Variants in XPNPEP3 observed in about 807,000 individuals in gnomAD.
XPNPEP3 encodes the protein xaa-Pro aminopeptidase 3.
Under a neutral mutation model 60.0 loss-of-function variants are expected in XPNPEP3, and 41 were observed. That is an observed-to-expected ratio of 0.68 (90% CI 0.53 to 0.89). XPNPEP3 has a LOEUF of 0.89. Among genes scored for constraint, XPNPEP3 ranks in the 40% least tolerant of loss-of-function variants. The pLI is 0.00. For missense variants in XPNPEP3, 598 were observed against 638.9 expected (o/e 0.94, Z 0.69); for synonymous variants, 212 against 223.2 (o/e 0.95, Z 0.45).
At chr22:40,867,701 C>T (rs1312676492) in intron 1 of XPNPEP3, among the ~76,000 whole-genome samples, 5 of 151,030 alleles carry the variant, frequency 3.3e-5, no homozygotes, top group East Asian at 3.9e-4. Context: ...GAGTGAGACT[C>T]TGTCTTAAAA....
chr22:40,905,272 G>A (rs2058150242), intron 4 of XPNPEP3, among the ~76,000 whole-genome samples: 1 of 151,662 alleles, frequency 6.6e-6, no homozygotes, highest in East Asian at 1.9e-4. Flanking sequence ...AGTAGAGACC[G>A]TGTTTCACTG....
intron 1 of XPNPEP3, among the ~76,000 whole-genome samples, chr22:40,867,165 C>T (rs1042636404): frequency 2.6e-5 from 4 of 152,076 alleles, no homozygotes; most frequent in Non-Finnish European, 5.9e-5. Flanking sequence ...TTAACTGTCA[C>T]GTGAGGTAGG....
chr22:40,873,190 C>T lies in XPNPEP3; in HGVS notation c.181+4075C>T, dbSNP rs574015384. ...GCGTGATCCGGCTCACTGCAACCTC[C>T]GCCTCCCAGATTCAAGCAATTCTCC... On this transcript the variant is annotated intron_variant, in intron 2 of 9. Coordinates refer to ENST00000357137, the MANE Select transcript of XPNPEP3 (RefSeq NM_022098.4). Among the ~76,000 whole-genome samples the T allele has an allele frequency of 3.6e-4, 53 of 149,170 alleles. No homozygotes were observed. In the South Asian group the frequency reaches 0.011, roughly 31 times the overall value.
At chr22:40,914,514 C>T (rs1187447058) in intron 7 of XPNPEP3, among the ~76,000 whole-genome samples, 190 bp downstream of exon 7, 1 of 149,024 alleles carries the variant, frequency 6.7e-6, no homozygotes, top group African/African-American at 2.5e-5. Context: ...ATAGAAACAC[C>T]TAGGTAACTA....
At chr22:40,860,777 A>G in intron 1 of XPNPEP3, 1 of 692,142 alleles carries the variant, frequency 1.4e-6, no homozygotes, top group Non-Finnish European at 2.3e-6. Flanking sequence ...CAGCTTCCCG[A>G]GTAGCTGGGA....
chr22:40,924,245 CTG>C, intron 8 of XPNPEP3, 115 bp from the exon 9 acceptor site: 1 of 1,453,288 alleles, frequency 6.9e-7, no homozygotes, highest in Non-Finnish European at 9.6e-7. Context: ...AGGGATTAAA[CTG>C]AAGTGGCAGA....
At chr22:40,894,226 C>T (rs1364310522) in intron 4 of XPNPEP3, among the ~76,000 whole-genome samples, 2 of 152,144 alleles carry the variant, frequency 1.3e-5, no homozygotes, top group South Asian at 2.1e-4. Context: ...AAGTTCTTTA[C>T]TCCAAGGGGT....
chr22:40,893,859 G>A (rs1460979788), intron 4 of XPNPEP3, among the ~76,000 whole-genome samples: 4 of 152,104 alleles, frequency 2.6e-5, no homozygotes, highest in Admixed American at 1.3e-4. Flanking sequence ...CAGGTGATCT[G>A]CCCACCTCGG....
chr22:40,911,344 T>A (rs1472950807), intron 6 of XPNPEP3, among the ~76,000 whole-genome samples: 1 of 152,172 alleles, frequency 6.6e-6, no homozygotes, highest in Non-Finnish European at 1.5e-5. Context: ...TGTCTTTTTC[T>A]GGTTTTCATA....
intron 7 of XPNPEP3, among the ~76,000 whole-genome samples, chr22:40,920,424 G>T (rs182595447): frequency 2.0e-4 from 30 of 152,186 alleles, no homozygotes; most frequent in Non-Finnish European, 3.7e-4. Context: ...GATGGAAATG[G>T]TCTGTATAAG....
At chr22:40,910,000 T>C (rs2058171353) in intron 6 of XPNPEP3, among the ~76,000 whole-genome samples, 1 of 152,010 alleles carries the variant, frequency 6.6e-6, no homozygotes. Flanking sequence ...TCTATGATTT[T>C]CTTCCCATGT....
chr22:40,910,808 A>G (rs2058174201), intron 6 of XPNPEP3, among the ~76,000 whole-genome samples: 1 of 152,140 alleles, frequency 6.6e-6, no homozygotes, highest in South Asian at 2.1e-4. Flanking sequence ...GTTCGAGACC[A>G]TCCTGGTCAA....
intron 7 of XPNPEP3, among the ~76,000 whole-genome samples, chr22:40,919,961 CACAAA>C: frequency 6.6e-6 from 1 of 152,172 alleles, no homozygotes; most frequent in East Asian, 1.9e-4. Context: ...GGAAGCCAGA[CACAAA>C]AGAGTATATA....
chr22:40,881,349 G>A (rs896753718), intron 2 of XPNPEP3, among the ~76,000 whole-genome samples: 2 of 151,672 alleles, frequency 1.3e-5, no homozygotes, highest in Admixed American at 6.6e-5. Context: ...TCAGCTAGTC[G>A]GGAGGCTGAA....
At chr22:40,871,039 GA>G (rs1238576892) in intron 2 of XPNPEP3, among the ~76,000 whole-genome samples, 2 of 151,330 alleles carry the variant, frequency 1.3e-5, no homozygotes, top group African/African-American at 4.9e-5. Context: ...AAAAAAAAAG[GA>G]AAAAAAATTT....
chr22:40,905,920 T>A (rs1000961675), intron 4 of XPNPEP3, among the ~76,000 whole-genome samples: 1 of 152,062 alleles, frequency 6.6e-6, no homozygotes, highest in African/African-American at 2.4e-5. Context: ...GCCTCCTGAG[T>A]AGCTGGGATT....
intron 2 of XPNPEP3, among the ~76,000 whole-genome samples, chr22:40,871,016 G>A (rs555388649): frequency 6.6e-6 from 1 of 151,902 alleles, no homozygotes; most frequent in Non-Finnish European, 1.5e-5. Flanking sequence ...GGGACAGAGG[G>A]AGACTCTGTC....
intron 2 of XPNPEP3, among the ~76,000 whole-genome samples, chr22:40,881,520 C>T (rs2058048078): frequency 6.6e-6 from 1 of 151,660 alleles, no homozygotes; most frequent in Non-Finnish European, 1.5e-5. Context: ...GAGCCAAAGA[C>T]CTGGAAGAGA....
At chr22:40,891,777 A>C (rs1946987101) in intron 4 of XPNPEP3, among the ~76,000 whole-genome samples, 1 of 152,224 alleles carries the variant, frequency 6.6e-6, no homozygotes, top group African/African-American at 2.4e-5. Flanking sequence ...CAGGATCCAC[A>C]AACTGCACTA....
Sources: allele counts gnomAD v4.1 joint callset (sites outside exome capture counted in the v4.1 genomes callset), GRCh38; gene constraint gnomAD v4.1.1; transcripts MANE v1.5; gene names NCBI Gene and HGNC (gene_info 2026-07-23, HGNC 2026-07-21).